The following GIT2 variants were observed in gnomAD, a reference collection of about 807,000 sequenced individuals.
GIT2 encodes GIT ArfGAP 2, also known as ARF GTPase-activating protein GIT2.
Under a neutral mutation model 100.3 loss-of-function variants are expected in GIT2, and 32 were observed. That is an observed-to-expected ratio of 0.32 (90% confidence interval 0.24 to 0.43). The LOEUF (loss-of-function observed/expected upper bound fraction) is 0.43. Ranked by LOEUF, GIT2 falls within the 20% of genes least tolerant of loss-of-function variation. GIT2 has a pLI of 1.00. For synonymous variants in GIT2, 353 were observed against 364.1 expected, an observed-to-expected ratio of 0.97 and a Z score of 0.35; for missense variants, 737 against 975.1, an observed-to-expected ratio of 0.76 and a Z score of 3.25.
At chr12:109,999,934 C>A, upstream of GIT2, 1 of 591,548 alleles carries the variant, frequency 1.7e-6, no homozygotes, top group Non-Finnish European at 2.7e-6. This position sits in a 1 kb window ranked among gnomAD's most constrained non-coding sequence, Gnocchi z 4.3. Context: ...AATAATAGGA[C>A]ACGTATCGAG....
At chr12:109,972,018 T>C (rs1593083704) in intron 7 of GIT2, among the ~76,000 whole-genome samples, 2 of 151,596 alleles carry the variant, frequency 1.3e-5, no homozygotes, top group East Asian at 1.9e-4. Flanking sequence ...AAAATATATA[T>C]ATATATATGG....
intron 4 of GIT2, among the ~76,000 whole-genome samples, chr12:109,988,331 T>C (rs2136923608): frequency 6.6e-6 from 1 of 152,298 alleles, no homozygotes; most frequent in African/African-American, 2.4e-5. Context: ...TTTTTCTTTC[T>C]TTAAAAACTT....
chr12:109,946,898 G>A (rs1236489552), intron 15 of GIT2, among the ~76,000 whole-genome samples: 1 of 152,170 alleles, frequency 6.6e-6, no homozygotes, highest in Non-Finnish European at 1.5e-5. Context: ...ACTTCCTTCT[G>A]AGAGTGAACT....
rs7976330 is a variant in GIT2, at chr12:109,983,251, A to C, written c.623+122T>G. The C allele has an allele frequency of 1.4e-3, 1,263 of 906,824 alleles. 6 individuals carry two copies. The highest frequency in any genetic ancestry group is 0.014 in the African/African-American group (827 of 60,356). 56.2% of individuals were successfully genotyped at this position (906,824 alleles called of 1,614,324 possible). A position where few individuals can be genotyped will look rare whatever the true frequency, so the allele number is the denominator to read the frequency against. On this transcript the variant is annotated intron_variant, in intron 6 of 19. Transcript: ENST00000355312. The stretch of plus-strand genomic sequence containing the variant: ...GCATTTGAAATGTCTTCATCTGTAA[A>C]ATAAAATAACGTACATCTTTAAAGG...
chr12:109,985,427 G>A (rs561356832), intron 4 of GIT2, among the ~76,000 whole-genome samples: 6 of 151,986 alleles, frequency 3.9e-5, no homozygotes, highest in South Asian at 2.1e-4. Flanking sequence ...AAAGGGGGGG[G>A]AAAAAAGGCC....
At chr12:109,988,073 A>G (rs1219978988) in intron 4 of GIT2, among the ~76,000 whole-genome samples, 2 of 152,174 alleles carry the variant, frequency 1.3e-5, no homozygotes, top group East Asian at 3.8e-4. Flanking sequence ...ATTGTCCTAT[A>G]ATCTTTCTAG....
intron 18 of GIT2, among the ~76,000 whole-genome samples, chr12:109,938,168 G>A (rs1013972708): frequency 3.9e-5 from 6 of 151,968 alleles, no homozygotes; most frequent in African/African-American, 1.5e-4. Context: ...TCGGAGCTTC[G>A]TAACAAGATG....
intron 14 of GIT2, among the ~76,000 whole-genome samples, chr12:109,949,605 G>A (rs1488827553): frequency 6.6e-6 from 1 of 152,200 alleles, no homozygotes; most frequent in Admixed American, 6.5e-5. Flanking sequence ...CAATTCAATA[G>A]TTTCAGAAAT....
intron 9 of GIT2, among the ~76,000 whole-genome samples, chr12:109,964,677 G>A (rs1432299922): frequency 1.2e-4 from 10 of 85,134 alleles, no homozygotes; most frequent in East Asian, 4.8e-4. Flanking sequence ...ACACACACAC[G>A]GAACCAGATG....
chr12:109,972,941 G>A (rs1046691633), intron 7 of GIT2, among the ~76,000 whole-genome samples: 22 of 151,954 alleles, frequency 1.4e-4, no homozygotes, highest in Admixed American at 1.2e-3. Context: ...TCTCACCTCA[G>A]CCTCCAGAGT....
chr12:109,993,863 T>TAA (rs771991069), intron 1 of GIT2, among the ~76,000 whole-genome samples: 1 of 142,802 alleles, frequency 7.0e-6, no homozygotes. Flanking sequence ...CCAGATTCAT[T>TAA]AAAAAAAAAA....
rs755828002 is a variant in GIT2 at position 109,989,024 on chromosome 12, G to A, written c.344C>T (p.Ala115Val). ...CCGGCAGGGCAAGCGATGGACGAAC[G>A]CTAACATCTGATACTTGGCTCTGAT... ...EFIRAKYQMLAFVHRLPCRDD... is the reference protein window; with the variant it reads ...EFIRAKYQMLVFVHRLPCRDD... The change falls in exon 4 of 20, where the codon GCG (alanine) becomes GTG (valine). Residue 115 changes from alanine to valine, a missense_variant. Coordinates refer to ENST00000355312, the MANE Select transcript of GIT2 (RefSeq NM_057169.5). 19 of 1,612,886 alleles carry A rather than the reference G, an allele frequency of 1.2e-5. No homozygotes were observed. The Admixed American group carries it at 1.8e-4, about 16-fold the overall frequency.
At chr12:109,953,041 A>G (rs371714609) in intron 13 of GIT2, 51 bp downstream of exon 13, 3 of 1,596,960 alleles carry the variant, frequency 1.9e-6, no homozygotes, top group South Asian at 1.1e-5. Flanking sequence ...TGGCAGGGCT[A>G]GCCCTCAGCT....
At chr12:109,983,550 G>T in intron 5 of GIT2, 47 bp from the exon 6 acceptor site, 1 of 1,601,110 alleles carries the variant, frequency 6.2e-7, no homozygotes, top group Non-Finnish European at 8.6e-7. Flanking sequence ...ATTAAATAAA[G>T]GCTACATGAA....
chr12:109,973,188 T>C (rs544943200), intron 7 of GIT2, among the ~76,000 whole-genome samples: 2 of 152,190 alleles, frequency 1.3e-5, no homozygotes, highest in Non-Finnish European at 2.9e-5. Flanking sequence ...TCACCCAGGC[T>C]GGAGTGCAGT....
chr12:109,991,257 C>G (rs1055641976), intron 2 of GIT2, among the ~76,000 whole-genome samples: 3 of 150,106 alleles, frequency 2.0e-5, no homozygotes, highest in Non-Finnish European at 4.4e-5. Flanking sequence ...TTACAGTGAG[C>G]TGAGATCACG....
chr12:109,973,636 T>G (rs1884433175), intron 7 of GIT2, among the ~76,000 whole-genome samples: 1 of 152,182 alleles, frequency 6.6e-6, no homozygotes, highest in African/African-American at 2.4e-5. Flanking sequence ...TCGCTACTGT[T>G]TCCTTCTTTC....
chr12:109,999,856 G>A (rs1566041438), upstream of GIT2: 1 of 1,363,446 alleles, frequency 7.3e-7, no homozygotes, highest in South Asian at 1.4e-5. The surrounding 1 kb of genome is among the most constrained non-coding windows in gnomAD (Gnocchi z 4.3). Context: ...GCCTCCCTGA[G>A]CCCATTTCCA....
chr12:109,963,235 A>G (rs1000129338), intron 9 of GIT2, among the ~76,000 whole-genome samples: 1 of 152,188 alleles, frequency 6.6e-6, no homozygotes, highest in Non-Finnish European at 1.5e-5. Flanking sequence ...CCCTTTCTCT[A>G]TTTTCCAAAT....
Sources: gnomAD v4.1 joint callset for allele counts (sites outside exome capture counted in the v4.1 genomes callset) on GRCh38, gnomAD v4.1.1 for gene constraint, Gnocchi (gnomAD v3.1) non-coding constraint, MANE v1.5 for transcripts, NCBI Gene and HGNC (gene_info 2026-07-23, HGNC 2026-07-21) for gene names.